The following ZNF831 variants were observed in gnomAD, a reference collection of about 807,000 sequenced individuals.
ZNF831 encodes chromosome 20 open reading frame 174.
A neutral mutation model predicts 95.8 loss-of-function variants in ZNF831; 59 were observed. The observed-to-expected ratio is 0.62, with a 90% confidence interval of 0.50 to 0.77. The LOEUF (loss-of-function observed/expected upper bound fraction) is 0.77, where lower values mean the gene tolerates loss of function less well. Ranked by LOEUF, ZNF831 falls within the 30% of genes least tolerant of loss-of-function variation. The pLI, the probability that ZNF831 is intolerant of heterozygous loss-of-function variation, is 0.00. For missense variants in ZNF831, 2,205 were observed against 2,164.0 expected (o/e 1.02, Z -0.38); for synonymous variants, 961 against 925.5 (o/e 1.04, Z -0.70).
chr20:59,207,118 G>A (rs1039147704), intron 4 of ZNF831, 62 bp downstream of exon 4: 22 of 1,574,218 alleles, frequency 1.4e-5, no homozygotes, highest in Non-Finnish European at 1.8e-5. Flanking sequence ...CCAAGGCATA[G>A]ACACTGGGGA....
chr20:59,253,077 G>A lies in ZNF831; in HGVS notation c.4127G>A (p.Gly1376Glu), dbSNP rs1485585775. 1 of 1,614,126 alleles carries A rather than the reference G, an allele frequency of 6.2e-7. No individual in the cohort carries two copies. Among genetic ancestry groups the A allele is most frequent in the South Asian group, 1.1e-5 (1 of 91,068 alleles). Residue 1376 changes from glycine (G) to glutamate (E), a missense_variant, in exon 5 of 6, where the codon GGA (glycine) becomes GAA (glutamate). By Grantham distance (98) the Gly-to-Glu change is moderately conservative (BLOSUM62 -2). Coordinates refer to ENST00000371030, the MANE Select transcript of ZNF831 (RefSeq NM_178457.3). ...GAAGGTGACTGCAGACAAACCTTAG[G>A]AACCCTCTCTCTTGGTACAAGTTCA... Reference protein sequence around the residue: ...KKEGDCRQTLGTLSLGTSSRI... With the variant: ...KKEGDCRQTLETLSLGTSSRI...
Position 59,192,471 on chromosome 20 carries a change from C to A in ZNF831, c.1452C>A (p.Phe484Leu). ...CCCCAGACAAGTCTCGGCCCCTCTT[C>A]TTCCACTCCGTCCCCACTCAGCTCT... ...WTPPDKSRPL[F>L]FHSVPTQLST... The change falls in exon 2 of 6, where the codon TTC becomes TTA. Residue 484 changes from phenylalanine (F) to leucine (L), a missense_variant. Transcript: ENST00000371030. The surrounding 1 kb of genome is among the most constrained non-coding windows in gnomAD (Gnocchi z 5.2). The A allele has an allele frequency of 6.3e-7, 1 of 1,589,446 alleles. No individual in the cohort carries two copies. The highest frequency in any genetic ancestry group is 8.6e-7 in the Non-Finnish European group (1 of 1,168,662).
chr20:59,192,268 G>A lies in ZNF831; in HGVS notation c.1249G>A (p.Ala417Thr). The change falls in exon 2 of 6, where the codon GCG (alanine) becomes ACG (threonine). Residue 417 changes from alanine to threonine, a missense_variant. Transcript: ENST00000371030. The surrounding 1 kb of genome is among the most constrained non-coding windows in gnomAD (Gnocchi z 5.2). ...RIAQLISHNQAVVDDAQLDNV... is the reference protein window; with the variant it reads ...RIAQLISHNQTVVDDAQLDNV... ...CGCCCAGCTCATCTCCCACAACCAGGCGGTGGTGGACGATGCCCAGCTGGA... is the reference window on the plus strand; with the variant it reads ...CGCCCAGCTCATCTCCCACAACCAGACGGTGGTGGACGATGCCCAGCTGGA... 6.3e-7 allele frequency: 1 copy of A among 1,592,548 alleles called. No individual in the cohort carries two copies. Among genetic ancestry groups the A allele is most frequent in the Non-Finnish European group, 8.5e-7 (1 of 1,169,736 alleles).
chr20:59,194,084 TGGG>T lies in ZNF831; in HGVS notation c.3071_3073del (p.Gly1024del). The T allele has an allele frequency of 2.6e-6, 4 of 1,537,374 alleles. No individual in the cohort carries two copies. The highest frequency in any genetic ancestry group is 1.3e-5 in the South Asian group (1 of 78,816). On this transcript the variant is annotated inframe_deletion, in exon 2 of 6. Coordinates refer to ENST00000371030, the MANE Select transcript of ZNF831 (RefSeq NM_178457.3). ...CAGGATGGGAGAAAAGGGGCACAGT[TGGG>T]GGGGGACAAGGGGGACAGGATGGCC...
upstream of ZNF831, among the ~76,000 whole-genome samples, chr20:59,163,227 A>G (rs1240564238): frequency 3.3e-5 from 5 of 152,246 alleles, no homozygotes; most frequent in South Asian, 2.1e-4. Context: ...ATATAGAATC[A>G]TATCATCAGT....
chr20:59,159,269 C>T (rs1036187456), upstream of ZNF831, among the ~76,000 whole-genome samples: 1 of 151,974 alleles, frequency 6.6e-6, no homozygotes, highest in Non-Finnish European at 1.5e-5. Flanking sequence ...ACTAGCAACC[C>T]AGTACCCCTT....
chr20:59,167,888 T>A (rs920764298), intron 1 of ZNF831, among the ~76,000 whole-genome samples: 9 of 151,912 alleles, frequency 5.9e-5, no homozygotes, highest in Non-Finnish European at 1.0e-4. Context: ...GAAAAAAAAA[T>A]CAGTTGGGTA....
chr20:59,188,081 C>T (rs1214964227), intron 1 of ZNF831, among the ~76,000 whole-genome samples: 1 of 152,198 alleles, frequency 6.6e-6, no homozygotes, highest in African/African-American at 2.4e-5. Flanking sequence ...TCTCTTTTGA[C>T]TATTTTGAAT....
intron 1 of ZNF831, among the ~76,000 whole-genome samples, chr20:59,189,923 C>T (rs560981237): frequency 2.0e-4 from 31 of 152,272 alleles, no homozygotes; most frequent in African/African-American, 7.5e-4. Context: ...TTATGGAGCT[C>T]CTTGGTGATG....
intron 4 of ZNF831, among the ~76,000 whole-genome samples, chr20:59,247,885 A>G (rs930014659): frequency 2.0e-5 from 3 of 152,244 alleles, no homozygotes; most frequent in African/African-American, 7.2e-5. Flanking sequence ...AGGCCTAGAC[A>G]TTAGGCAGCT....
intron 1 of ZNF831, among the ~76,000 whole-genome samples, chr20:59,179,106 G>A (rs866992729): frequency 3.3e-5 from 5 of 152,162 alleles, no homozygotes; most frequent in African/African-American, 9.7e-5. Context: ...TGAGCTCCAC[G>A]ACAGACTCTG....
At chr20:59,149,704 CAT>C (rs1427894046) in intron 2 of ZNF831, among the ~76,000 whole-genome samples, 1 of 152,262 alleles carries the variant, frequency 6.6e-6, no homozygotes, top group African/African-American at 2.4e-5. Flanking sequence ...GCCCCCAACA[CAT>C]GTTTCATGCC....
At chr20:59,210,902 G>A (rs1299104362) in intron 4 of ZNF831, among the ~76,000 whole-genome samples, 1 of 136,398 alleles carries the variant, frequency 7.3e-6, no homozygotes, top group Non-Finnish European at 1.6e-5. Context: ...GCGCGGTGGC[G>A]GGCGCCTGTA....
chr20:59,183,670 G>T (rs1982794127), intron 1 of ZNF831, among the ~76,000 whole-genome samples: 1 of 152,154 alleles, frequency 6.6e-6, no homozygotes, highest in African/African-American at 2.4e-5. Context: ...GGCTGATGAG[G>T]ATAACTATCT....
intron 1 of ZNF831, among the ~76,000 whole-genome samples, chr20:59,123,982 C>A (rs142844964): frequency 1.3e-5 from 2 of 152,166 alleles, no homozygotes; most frequent in Non-Finnish European, 2.9e-5. Context: ...CCAGGGCACA[C>A]GGAGCAGGCA....
chr20:59,182,337 A>AT (rs1222436398), intron 1 of ZNF831, among the ~76,000 whole-genome samples: 5 of 152,178 alleles, frequency 3.3e-5, no homozygotes, highest in African/African-American at 4.8e-5. Context: ...GATTTTTCCC[A>AT]TTTTGCATTA....
intron 2 of ZNF831, among the ~76,000 whole-genome samples, chr20:59,150,659 A>G (rs1414857545): frequency 1.3e-5 from 2 of 152,198 alleles, no homozygotes; most frequent in East Asian, 3.9e-4. Flanking sequence ...CCTTCTGAGA[A>G]TAACAAACAG....
At chr20:59,172,595 TC>T (rs1433240739) in intron 1 of ZNF831, among the ~76,000 whole-genome samples, 1 of 152,150 alleles carries the variant, frequency 6.6e-6, no homozygotes, top group African/African-American at 2.4e-5. Context: ...TTTCCCATAG[TC>T]TTTAGAGCCC....
At chr20:59,196,824 C>T (rs1207932829) in intron 3 of ZNF831, among the ~76,000 whole-genome samples, 1 of 152,168 alleles carries the variant, frequency 6.6e-6, no homozygotes, top group Non-Finnish European at 1.5e-5. Context: ...GTTGCCCAGG[C>T]TGGAGTGCAG....
Sources: allele counts gnomAD v4.1 joint callset (sites outside exome capture counted in the v4.1 genomes callset), GRCh38; gene constraint gnomAD v4.1.1; non-coding constraint Gnocchi (gnomAD v3.1); transcripts MANE v1.5; gene names NCBI Gene and HGNC (gene_info 2026-07-23, HGNC 2026-07-21).